DUSP22: variants seen among roughly 807,000 people sequenced by gnomAD.
DUSP22 encodes dual specificity phosphatase 22.
In DUSP22, 24 loss-of-function variants were observed where a neutral mutation model predicts 24.5. The ratio of observed to expected loss-of-function variants is 0.98; its 90% CI spans 0.71 to 1.38. The LOEUF (loss-of-function observed/expected upper bound fraction) is 1.38. Among genes scored for constraint, DUSP22 ranks in the 40% most tolerant of loss-of-function variants. The pLI is 0.00. For synonymous variants in DUSP22, 160 were observed against 106.4 expected, an observed-to-expected ratio of 1.50 and a Z score of -3.10; for missense variants, 330 against 269.2, an observed-to-expected ratio of 1.23 and a Z score of -1.58.
chr6:292,739 C>G (rs919633804), intron 1 of DUSP22, among the ~76,000 whole-genome samples, 179 bp downstream of exon 1: 1 of 152,278 alleles, frequency 6.6e-6, no homozygotes, highest in Non-Finnish European at 1.5e-5. Flanking sequence ...GAGGTGTTCC[C>G]GCCCCCACCC....
intron 3 of DUSP22, among the ~76,000 whole-genome samples, chr6:326,676 C>T (rs1650294040): frequency 6.6e-6 from 1 of 152,304 alleles, no homozygotes; most frequent in Non-Finnish European, 1.5e-5. Flanking sequence ...CTGTCTACTA[C>T]CATTTATTGA....
chr6:324,979 C>T (rs1353295716), intron 3 of DUSP22, among the ~76,000 whole-genome samples: 3 of 152,304 alleles, frequency 2.0e-5, no homozygotes, highest in Non-Finnish European at 4.4e-5. Flanking sequence ...CTGCCGCATC[C>T]TGCCGGGAAG....
intron 4 of DUSP22, among the ~76,000 whole-genome samples, chr6:345,465 C>T (rs1437945510): frequency 2.0e-5 from 3 of 152,298 alleles, no homozygotes; most frequent in Non-Finnish European, 4.4e-5. Context: ...CTGCCTCAGC[C>T]TCCCAAATTG....
At chr6:327,008 G>A (rs996189962) in intron 3 of DUSP22, among the ~76,000 whole-genome samples, 11 of 152,422 alleles carry the variant, frequency 7.2e-5, no homozygotes, top group Non-Finnish European at 1.5e-4. Flanking sequence ...GGGCTTTGGG[G>A]ACTTCTGCTG....
chr6:345,240 T>TC (rs1554102682), intron 4 of DUSP22, among the ~76,000 whole-genome samples: 6 of 152,022 alleles, frequency 3.9e-5, no homozygotes, highest in East Asian at 3.9e-4. Flanking sequence ...TTTTTTTTTT[T>TC]CCTCTGTTGC....
At chr6:313,305 C>T (rs1012239046) in intron 3 of DUSP22, among the ~76,000 whole-genome samples, 2 of 152,312 alleles carry the variant, frequency 1.3e-5, no homozygotes, top group African/African-American at 4.8e-5. Flanking sequence ...AACACACTGT[C>T]ATGTGTGCAC....
At position 349,209 on chromosome 6, in the gene DUSP22, G is replaced by T. The variant is rs566759408; in HGVS notation, c.*258G>T. On this transcript the variant is annotated 3_prime_UTR_variant, in exon 7 of 7. Transcript: ENST00000419235. ...GCTGTGCACTGCTCTGTGCACGTGC[G>T]TGTGTGTGAGTGCACTTGTGTGTGG... 2.5e-5 allele frequency: 35 copies of T among 1,393,640 alleles called. No individual in the cohort carries two copies. The highest frequency in any genetic ancestry group is 5.9e-5 in the African/African-American group (4 of 68,194). The allele number at this position is 1,393,640 out of a possible 1,614,324, so 86.3% of individuals were successfully genotyped here.
At chr6:320,660 A>G (rs1758543905) in intron 3 of DUSP22, among the ~76,000 whole-genome samples, 1 of 152,286 alleles carries the variant, frequency 6.6e-6, no homozygotes, top group South Asian at 2.1e-4. Context: ...CTTTGTAAAG[A>G]GAGGGGTGTT....
At chr6:339,587 C>A (rs1390283143) in intron 4 of DUSP22, among the ~76,000 whole-genome samples, 1 of 152,388 alleles carries the variant, frequency 6.6e-6, no homozygotes, top group Non-Finnish European at 1.5e-5. Context: ...GGCATTTGAT[C>A]TCTGCCAGGC....
At chr6:292,923 G>T (rs1306775560) in intron 1 of DUSP22, among the ~76,000 whole-genome samples, 1 of 152,238 alleles carries the variant, frequency 6.6e-6, no homozygotes, top group African/African-American at 2.4e-5. Flanking sequence ...CCCAAACTAC[G>T]CTCTTGAAGC....
rs944691748 is a variant in DUSP22, at chr6:312,536, C to T, written c.138+574C>T. 3.7e-4 allele frequency among the ~76,000 whole-genome samples: 57 copies of T among 152,254 alleles called. 1 individual carries two copies. The highest frequency in any genetic ancestry group is 1.2e-3 in the Admixed American group (19 of 15,288). ...ACATCTTTAAATTTACCCTAATGGA[C>T]GGTTTGAGCTGTTGGCTAGAGGTAA... is the stretch of plus-strand genomic sequence containing the variant. On this transcript the variant is annotated intron_variant, in intron 3 of 6. Coordinates refer to ENST00000419235, the MANE Select transcript of DUSP22 (RefSeq NM_001286555.3).
intron 3 of DUSP22, among the ~76,000 whole-genome samples, chr6:328,262 A>C (rs1758976457): frequency 6.6e-6 from 1 of 152,304 alleles, no homozygotes; most frequent in Non-Finnish European, 1.5e-5. Context: ...CAAGTCCTGC[A>C]GCTGAACTGA....
At position 335,773 on chromosome 6, in the gene DUSP22, C is replaced by T. The variant is rs565226542; in HGVS notation, c.188+610C>T. 4.6e-5 allele frequency among the ~76,000 whole-genome samples: 7 copies of T among 152,420 alleles called. No homozygotes were observed. The East Asian group carries it at 1.3e-3, about 29-fold the overall frequency. The stretch of plus-strand genomic sequence containing the variant: ...ATCTCCGTTCAGACCAGCTGTGTTT[C>T]CAGGGCTTGAGAACCCCAGGAGGCT... On this transcript the variant is annotated intron_variant, in intron 4 of 6. Coordinates refer to ENST00000419235, the MANE Select transcript of DUSP22 (RefSeq NM_001286555.3).
intron 5 of DUSP22, among the ~76,000 whole-genome samples, chr6:346,412 C>T (rs1478983586): frequency 2.6e-5 from 4 of 151,840 alleles, no homozygotes; most frequent in Non-Finnish European, 5.9e-5. Context: ...TGTTTGCATC[C>T]TGCTATATTT....
chr6:334,965 T>C, intron 3 of DUSP22, 149 bp from the exon 4 acceptor site: 1 of 928,998 alleles, frequency 1.1e-6, no homozygotes, highest in Non-Finnish European at 1.6e-6. Flanking sequence ...AATTAGTTTT[T>C]CTGCAGTTCC....
intron 3 of DUSP22, among the ~76,000 whole-genome samples, chr6:321,403 C>G (rs1401894641): frequency 6.6e-6 from 1 of 152,298 alleles, no homozygotes; most frequent in Non-Finnish European, 1.5e-5. Flanking sequence ...ATTTCTTTTG[C>G]AGGATGTTGT....
intron 1 of DUSP22, among the ~76,000 whole-genome samples, chr6:298,778 G>A (rs562007003): frequency 3.6e-3 from 549 of 152,184 alleles, no homozygotes; most frequent in African/African-American, 0.012. Flanking sequence ...GTGCTGTTTC[G>A]TCACCGTTTA....
At chr6:296,945 C>T (rs1295617109) in intron 1 of DUSP22, among the ~76,000 whole-genome samples, 2 of 152,306 alleles carry the variant, frequency 1.3e-5, no homozygotes, top group Non-Finnish European at 2.9e-5. Context: ...TCTGAAAGCA[C>T]CCTGCCTGGT....
At chr6:305,576 T>G (rs1209664557) in intron 2 of DUSP22, among the ~76,000 whole-genome samples, 2 of 152,300 alleles carry the variant, frequency 1.3e-5, no homozygotes, top group Admixed American at 1.3e-4. Context: ...ACTGATTGAT[T>G]TACTGTCAGC....
Sources: allele counts gnomAD v4.1 joint callset (sites outside exome capture counted in the v4.1 genomes callset), GRCh38; gene constraint gnomAD v4.1.1; transcripts MANE v1.5; gene names NCBI Gene and HGNC (gene_info 2026-07-23, HGNC 2026-07-21).